The following CTNNA3 variants were observed in gnomAD, a reference collection of about 807,000 sequenced individuals.
CTNNA3 encodes the protein catenin alpha-3.
In CTNNA3, 76 loss-of-function variants were observed where a neutral mutation model predicts 95.7. That is an observed-to-expected ratio of 0.79 (90% CI 0.66 to 0.96). CTNNA3 has a LOEUF of 0.96. Ranked by LOEUF, CTNNA3 falls within the 40% of genes least tolerant of loss-of-function variation. The pLI, the probability that CTNNA3 is intolerant of heterozygous loss-of-function variation, is 0.00. For missense variants in CTNNA3, 1,191 were observed against 1,089.8 expected (o/e 1.09, Z -1.31); for synonymous variants, 431 against 374.4 (o/e 1.15, Z -1.74).
At chr10:66,009,888 A>G (rs1164445777) in intron 15 of CTNNA3, among the ~76,000 whole-genome samples, 5 of 152,232 alleles carry the variant, frequency 3.3e-5, no homozygotes, top group East Asian at 1.9e-4. Context: ...CAGTTCTTCC[A>G]AAAATATACG....
At chr10:66,493,131 A>T (rs970281959) in intron 11 of CTNNA3, among the ~76,000 whole-genome samples, 3 of 152,162 alleles carry the variant, frequency 2.0e-5, no homozygotes, top group African/African-American at 7.2e-5. Flanking sequence ...GGAGACAGGA[A>T]TGAGACAAGG....
chr10:66,055,217 T>G (rs1017225632), intron 15 of CTNNA3, among the ~76,000 whole-genome samples: 8 of 152,204 alleles, frequency 5.3e-5, no homozygotes, highest in Non-Finnish European at 1.0e-4. Flanking sequence ...CTTTTGTGGT[T>G]CCATATACAT....
At chr10:67,395,684 T>A (rs1236838230) in intron 5 of CTNNA3, among the ~76,000 whole-genome samples, 3 of 152,198 alleles carry the variant, frequency 2.0e-5, no homozygotes, top group Non-Finnish European at 4.4e-5. Context: ...AGAATGTGAA[T>A]AGTAGGAAAC....
chr10:67,729,903 T>A (rs1244742030), intron 1 of CTNNA3, among the ~76,000 whole-genome samples: 1 of 152,086 alleles, frequency 6.6e-6, no homozygotes, highest in Non-Finnish European at 1.5e-5. Flanking sequence ...AAATAAAAAA[T>A]AATGGCAAGA....
chr10:67,105,871 G>A (rs371701533), intron 7 of CTNNA3, among the ~76,000 whole-genome samples: 35 of 152,272 alleles, frequency 2.3e-4, no homozygotes, highest in East Asian at 1.7e-3. Context: ...CATATTATCT[G>A]GAGAAAAGAC....
At chr10:65,950,967 T>A (rs2077600557) in intron 17 of CTNNA3, among the ~76,000 whole-genome samples, 1 of 152,144 alleles carries the variant, frequency 6.6e-6, no homozygotes, top group South Asian at 2.1e-4. Context: ...ACAAAACAGA[T>A]CACTGCCATT....
At chr10:67,058,365 G>A (rs774703070) in intron 7 of CTNNA3, among the ~76,000 whole-genome samples, 4 of 152,136 alleles carry the variant, frequency 2.6e-5, no homozygotes, top group East Asian at 1.9e-4. Flanking sequence ...TTGGTTTCAA[G>A]AGAAATTTTA....
chr10:66,160,971 T>G (rs962962333), intron 13 of CTNNA3, among the ~76,000 whole-genome samples: 1 of 152,174 alleles, frequency 6.6e-6, no homozygotes, highest in Non-Finnish European at 1.5e-5. Flanking sequence ...TGTTTTAAAG[T>G]TTGTTTTGTG....
chr10:67,443,454 C>T (rs1341830359), intron 5 of CTNNA3, among the ~76,000 whole-genome samples: 1 of 151,038 alleles, frequency 6.6e-6, no homozygotes, highest in African/African-American at 2.4e-5. Flanking sequence ...CTCTCCAGCA[C>T]CTGTTGTTTC....
chr10:66,459,533 T>G (rs924258737), intron 11 of CTNNA3, among the ~76,000 whole-genome samples: 6 of 152,202 alleles, frequency 3.9e-5, no homozygotes, highest in Admixed American at 1.3e-4. Context: ...TCACCAGTAC[T>G]TTATTTTCTT....
At chr10:66,508,211 T>TTTTTTTTTTTTTTTTTTTTTTTTTTG (rs1491247894) in intron 11 of CTNNA3, among the ~76,000 whole-genome samples, 8 of 91,166 alleles carry the variant, frequency 8.8e-5, no homozygotes, top group Non-Finnish European at 1.4e-4. Context: ...TTGTTTTCTG[T>TTTTTTTTTTTTTTTTTTTTTTTTTTG]TTTTTTTTTT....
chr10:66,386,869 G>A (rs1039201318), intron 11 of CTNNA3, among the ~76,000 whole-genome samples: 5 of 152,116 alleles, frequency 3.3e-5, no homozygotes, highest in African/African-American at 9.7e-5. Context: ...TTAATAAATG[G>A]TGCTGGGAAA....
intron 12 of CTNNA3, among the ~76,000 whole-genome samples, chr10:66,361,936 C>T (rs913467811): frequency 2.0e-5 from 3 of 151,842 alleles, no homozygotes; most frequent in Non-Finnish European, 2.9e-5. Flanking sequence ...TAAATTGTAC[C>T]CCACCACTGC....
chr10:66,018,185 A>AATAC, intron 15 of CTNNA3, among the ~76,000 whole-genome samples: 1 of 33,530 alleles, frequency 3.0e-5, no homozygotes, highest in East Asian at 2.9e-3. Flanking sequence ...ATACAGCTCA[A>AATAC]ATACACACAC....
chr10:67,040,435 G>A (rs1198833435), intron 7 of CTNNA3, among the ~76,000 whole-genome samples: 1 of 152,098 alleles, frequency 6.6e-6, no homozygotes, highest in Non-Finnish European at 1.5e-5. Context: ...TGGATGCAAA[G>A]TATCCAATTT....
intron 7 of CTNNA3, among the ~76,000 whole-genome samples, chr10:66,878,371 C>T (rs1039738489): frequency 6.6e-6 from 1 of 152,120 alleles, no homozygotes; most frequent in African/African-American, 2.4e-5. Flanking sequence ...ACATATGAAA[C>T]AGAGCAGTGC....
intron 13 of CTNNA3, among the ~76,000 whole-genome samples, chr10:66,190,662 G>A (rs7918551): frequency 0.14 from 21,471 of 152,006 alleles, 2,489 homozygotes; most frequent in African/African-American, 0.32. Context: ...CCTTATGCAT[G>A]TTTCGTTTGT....
chr10:66,550,523 T>C (rs942798860), intron 10 of CTNNA3, among the ~76,000 whole-genome samples: 1 of 152,126 alleles, frequency 6.6e-6, no homozygotes, highest in Non-Finnish European at 1.5e-5. Flanking sequence ...ACTGCTTTCA[T>C]GCAAAGGTGA....
intron 7 of CTNNA3, among the ~76,000 whole-genome samples, chr10:67,114,378 G>A (rs1015236707): frequency 6.6e-6 from 1 of 152,018 alleles, no homozygotes; most frequent in African/African-American, 2.4e-5. Context: ...AAACAGAGAT[G>A]TCTCCTTAAC....
Sources: gnomAD v4.1 joint callset for allele counts (sites outside exome capture counted in the v4.1 genomes callset) on GRCh38, gnomAD v4.1.1 for gene constraint, MANE v1.5 for transcripts, NCBI Gene and HGNC (gene_info 2026-07-23, HGNC 2026-07-21) for gene names.